Variants in PTBP2 observed in about 807,000 individuals in gnomAD.
The protein encoded by PTBP2 is polypyrimidine tract-binding protein 2.
A neutral mutation model predicts 61.4 loss-of-function variants in PTBP2; 13 were observed. The ratio of observed to expected loss-of-function variants is 0.21; its 90% CI spans 0.14 to 0.34. The LOEUF (loss-of-function observed/expected upper bound fraction) is 0.34. Ranked by LOEUF, PTBP2 falls within the 10% of genes least tolerant of loss-of-function variation. The pLI, the probability that PTBP2 is intolerant of heterozygous loss-of-function variation, is 1.00. For synonymous variants in PTBP2, 215 were observed against 218.5 expected (o/e 0.98, Z 0.14); for missense variants, 405 against 642.6 (o/e 0.63, Z 4.00).
chr1:96,784,931 A>AT, intron 7 of PTBP2, 128 bp from the exon 8 acceptor site: 1 of 717,830 alleles, frequency 1.4e-6, no homozygotes, highest in South Asian at 2.2e-5. Context: ...GATATATGAA[A>AT]TTTGAATCCT....
At chr1:96,780,807 A>AAC (rs539406704) in intron 7 of PTBP2, among the ~76,000 whole-genome samples, 12 of 152,064 alleles carry the variant, frequency 7.9e-5, no homozygotes, top group Non-Finnish European at 1.5e-4. Flanking sequence ...AATATCTTCA[A>AAC]ACAGTGTGTT....
chr1:96,765,540 A>G (rs765070395), intron 3 of PTBP2, among the ~76,000 whole-genome samples: 4 of 152,104 alleles, frequency 2.6e-5, no homozygotes, highest in Admixed American at 2.6e-4. Flanking sequence ...GTGAAACCCC[A>G]TCTCTACTGA....
chr1:96,763,959 C>T (rs986874067), intron 3 of PTBP2, among the ~76,000 whole-genome samples: 3 of 152,144 alleles, frequency 2.0e-5, no homozygotes, highest in Non-Finnish European at 4.4e-5. Flanking sequence ...ATTCAGATGA[C>T]TCAAAAGGAC....
At chr1:96,748,314 T>C (rs1443992731) in intron 2 of PTBP2, among the ~76,000 whole-genome samples, 19 of 152,220 alleles carry the variant, frequency 1.2e-4, no homozygotes, top group Non-Finnish European at 1.9e-4. Flanking sequence ...TACATGGTAT[T>C]AATAGTTGGA....
chr1:96,784,772 T>A (rs192258190), intron 7 of PTBP2, among the ~76,000 whole-genome samples: 4 of 152,266 alleles, frequency 2.6e-5, no homozygotes, highest in Non-Finnish European at 5.9e-5. Flanking sequence ...TTAGTTTTTT[T>A]AAAACTAACC....
At chr1:96,747,323 A>G (rs1190340853) in intron 2 of PTBP2, among the ~76,000 whole-genome samples, 2 of 152,110 alleles carry the variant, frequency 1.3e-5, no homozygotes, top group African/African-American at 4.8e-5. Context: ...TTGCTGTGAT[A>G]CGGTTTCTTA....
At chr1:96,746,655 G>A (rs1653802109) in intron 2 of PTBP2, among the ~76,000 whole-genome samples, 1 of 146,266 alleles carries the variant, frequency 6.8e-6, no homozygotes, top group Admixed American at 7.0e-5. Context: ...AGTGAGCTAT[G>A]ATCGTTCCAT....
intron 2 of PTBP2, among the ~76,000 whole-genome samples, chr1:96,743,199 A>G (rs895981746): frequency 1.3e-5 from 2 of 151,586 alleles, no homozygotes; most frequent in African/African-American, 4.8e-5. Flanking sequence ...AGGCAGGAGA[A>G]TGGTGTGAAC....
At chr1:96,813,159 G>C (rs1448511554) in intron 13 of PTBP2, 53 bp downstream of exon 13, 2 of 1,551,804 alleles carry the variant, frequency 1.3e-6, no homozygotes, top group Non-Finnish European at 1.7e-6. Context: ...TTTTTAAGTA[G>C]TTTTTGTTCT....
intron 2 of PTBP2, chr1:96,749,648 C>G (rs763467833): frequency 3.5e-5 from 16 of 455,654 alleles, no homozygotes; most frequent in Non-Finnish European, 4.4e-6. Context: ...TTTTTTTGGT[C>G]TGAGAACAAA....
At chr1:96,797,870 G>T (rs1660550259) in intron 8 of PTBP2, among the ~76,000 whole-genome samples, 1 of 152,084 alleles carries the variant, frequency 6.6e-6, no homozygotes, top group Non-Finnish European at 1.5e-5. Flanking sequence ...TTGATCCAAG[G>T]TTGGTTGAAT....
At chr1:96,820,435 T>C (rs1295649888) in exon 14 of PTBP2, 2 of 152,152 alleles carry the variant, frequency 1.3e-5, no homozygotes, top group African/African-American at 4.8e-5. Context: ...GTGAATTTCA[T>C]GTTTACTGAA....
intron 2 of PTBP2, among the ~76,000 whole-genome samples, chr1:96,732,462 T>C (rs777766007): frequency 3.9e-5 from 6 of 152,202 alleles, no homozygotes; most frequent in South Asian, 2.1e-4. Flanking sequence ...CTATTTGTTA[T>C]GTTTGTTCCT....
chr1:96,817,334 A>G (rs1662524648), downstream of PTBP2: 1 of 151,860 alleles, frequency 6.6e-6, no homozygotes, highest in Non-Finnish European at 1.5e-5. Flanking sequence ...AATTCAGTGA[A>G]ATTGAGTATA....
chr1:96,728,112 A>T (rs1361247219), intron 2 of PTBP2, among the ~76,000 whole-genome samples: 1 of 152,074 alleles, frequency 6.6e-6, no homozygotes, highest in African/African-American at 2.4e-5. Flanking sequence ...TCAGCCTCCC[A>T]AGTAGCTAGG....
At chr1:96,812,228 A>G (rs1662154016) in intron 11 of PTBP2, among the ~76,000 whole-genome samples, 3 of 152,228 alleles carry the variant, frequency 2.0e-5, no homozygotes, top group Non-Finnish European at 2.9e-5. Flanking sequence ...AAGCTGCTGT[A>G]TAGAAAATGG....
In PTBP2 at chr1:96,777,581, C is replaced by T; in HGVS notation, c.433-4C>T. The T allele has an allele frequency of 6.2e-7, 1 of 1,600,778 alleles. No homozygotes were observed. Among genetic ancestry groups the T allele is most frequent in the Non-Finnish European group, 8.5e-7 (1 of 1,174,962 alleles). ...TTTCTAAACTACATAATCTTAATTTCCAGCGTGCTCAGGCAGTTCTTCAAG... is the reference window on the plus strand; with the variant it reads ...TTTCTAAACTACATAATCTTAATTTTCAGCGTGCTCAGGCAGTTCTTCAAG... On this transcript the variant is annotated splice_polypyrimidine_tract_variant and splice_region_variant and intron_variant, in intron 5 of 13. Coordinates refer to ENST00000674951, the MANE Select transcript of PTBP2 (RefSeq NM_021190.4).
intron 5 of PTBP2, among the ~76,000 whole-genome samples, chr1:96,772,779 A>C (rs1365438282): frequency 6.6e-6 from 1 of 152,146 alleles, no homozygotes; most frequent in Non-Finnish European, 1.5e-5. Context: ...TTGCAAGTAC[A>C]TTCTCATTTT....
intron 8 of PTBP2, among the ~76,000 whole-genome samples, chr1:96,798,814 G>A (rs141128866): frequency 3.2e-4 from 48 of 152,194 alleles, no homozygotes; most frequent in Middle Eastern, 3.4e-3. Flanking sequence ...GGGGAACTGC[G>A]GTTTCCAGGT....
Sources: allele counts gnomAD v4.1 joint callset (sites outside exome capture counted in the v4.1 genomes callset), GRCh38; gene constraint gnomAD v4.1.1; transcripts MANE v1.5; gene names NCBI Gene and HGNC (gene_info 2026-07-23, HGNC 2026-07-21).